FDXR: variants seen among roughly 807,000 people sequenced by gnomAD.
The protein encoded by FDXR is NADPH:adrenodoxin oxidoreductase, mitochondrial.
In FDXR, 38 loss-of-function variants were observed where a neutral mutation model predicts 58.3. The ratio of observed to expected loss-of-function variants is 0.65; its 90% CI spans 0.50 to 0.85. The LOEUF is 0.85. Among genes scored for constraint, FDXR ranks in the 40% least tolerant of loss-of-function variants. The pLI, the probability that FDXR is intolerant of heterozygous loss-of-function variation, is 0.00. For missense variants in FDXR, 624 were observed against 671.0 expected, an observed-to-expected ratio of 0.93 and a Z score of 0.77; for synonymous variants, 275 against 273.8, an observed-to-expected ratio of 1.00 and a Z score of -0.04.
intron 3 of FDXR, 58 bp from the exon 4 acceptor site, chr17:74,866,626 G>A: frequency 1.9e-6 from 3 of 1,610,256 alleles, no homozygotes; most frequent in Non-Finnish European, 8.5e-7. Context: ...CAGGGACCAA[G>A]TCTGCACCAC....
rs375884169 is a variant in FDXR at position 74,863,959 on chromosome 17, C to T, written c.1111G>A (p.Val371Met). ...GYKSRPVDPS[V>M]PFDSKLGVIP... ...ACCCCAAGCTTGGAGTCAAAGGGCA[C>T]GCTTGGGTCGACAGGGCGGCTCTTA... The change falls in exon 10 of 12, where the codon GTG becomes ATG. Residue 371 changes from valine to methionine, a missense_variant. Transcript: ENST00000293195. 11 of 1,614,016 alleles carry T rather than the reference C, an allele frequency of 6.8e-6. No homozygotes were observed. The highest frequency in any genetic ancestry group is 1.6e-4 in the Middle Eastern group (1 of 6,084).
At chr17:74,865,098 G>A (rs2144654565) in intron 6 of FDXR, 167 bp from the exon 7 acceptor site, 1 of 825,506 alleles carries the variant, frequency 1.2e-6, no homozygotes. Context: ...TCTGCAAATG[G>A]CTCCAACTAA....
intron 10 of FDXR, 40 bp from the exon 11 acceptor site, chr17:74,863,286 T>C (rs1172705595): frequency 1.3e-6 from 2 of 1,578,672 alleles, no homozygotes; most frequent in Non-Finnish European, 1.7e-6. Flanking sequence ...GGGAGGTGGC[T>C]GGATACCACC....
chr17:74,868,402 G>A (rs2038265934), intron 2 of FDXR: 3 of 704,548 alleles, frequency 4.3e-6, no homozygotes, highest in South Asian at 3.0e-5. Flanking sequence ...AACCTACTCT[G>A]AGTGTTCAAT....
At chr17:74,865,508 G>A (rs966634759) in intron 6 of FDXR, among the ~76,000 whole-genome samples, 2 of 152,174 alleles carry the variant, frequency 1.3e-5, no homozygotes, top group South Asian at 2.1e-4. Context: ...AGAGAAAAAC[G>A]CCACTTAGCT....
chr17:74,870,977 A>G (rs958678662), intron 2 of FDXR, among the ~76,000 whole-genome samples: 1 of 151,372 alleles, frequency 6.6e-6, no homozygotes. Flanking sequence ...TGATTTTTCT[A>G]TTTTTAGTAG....
intron 2 of FDXR, chr17:74,868,324 C>A (rs1318118030): frequency 6.5e-6 from 4 of 611,036 alleles, no homozygotes; most frequent in Non-Finnish European, 1.2e-5. Context: ...AGTTTCTTCT[C>A]TGTCCAAAAG....
intron 5 of FDXR, 126 bp downstream of exon 5, chr17:74,866,005 C>T: frequency 1.1e-6 from 1 of 894,906 alleles, no homozygotes; most frequent in Admixed American, 2.1e-5. Flanking sequence ...CACAGCTGGC[C>T]TCCCGCCTCA....
intron 5 of FDXR, 138 bp downstream of exon 5, chr17:74,865,993 T>C: frequency 1.2e-6 from 1 of 857,220 alleles, no homozygotes; most frequent in Non-Finnish European, 1.9e-6. Flanking sequence ...CCCGAGGCCC[T>C]CCACAGCTGG....
intron 2 of FDXR, among the ~76,000 whole-genome samples, chr17:74,871,797 C>T (rs1172045472): frequency 6.6e-6 from 1 of 152,158 alleles, no homozygotes; most frequent in Non-Finnish European, 1.5e-5. Flanking sequence ...GCAAAGCTGA[C>T]CACCTGCCAC....
intron 2 of FDXR, among the ~76,000 whole-genome samples, chr17:74,869,166 C>A (rs1471465128): frequency 2.6e-5 from 4 of 152,134 alleles, no homozygotes; most frequent in African/African-American, 9.7e-5. Context: ...GAGGGGGCAT[C>A]CTGAAGGAAA....
At chr17:74,864,588 G>A (rs781601242) in intron 7 of FDXR, 24 bp from the exon 8 acceptor site, 2 of 1,604,632 alleles carry the variant, frequency 1.2e-6, no homozygotes, top group Non-Finnish European at 1.7e-6. Context: ...GCAGGGAATG[G>A]GGGAGGAGGT....
chr17:74,867,005 T>C (rs1222052207), intron 2 of FDXR, 129 bp from the exon 3 acceptor site: 3 of 1,488,434 alleles, frequency 2.0e-6, no homozygotes, highest in Non-Finnish European at 2.7e-6. Context: ...GCTTCCACCC[T>C]CTGCAAGGAA....
At chr17:74,865,000 T>TGTCCCCACCGTGGG in intron 6 of FDXR, 69 bp from the exon 7 acceptor site, 1 of 1,606,086 alleles carries the variant, frequency 6.2e-7, no homozygotes, top group Non-Finnish European at 8.5e-7. Context: ...CATTTGGTCA[T>TGTCCCCACCGTGGG]GTCCCCACCG....
chr17:74,872,966 A>G lies in FDXR; in HGVS notation c.-22T>C, dbSNP rs1162910942. The stretch of plus-strand genomic sequence containing the variant: ...CCATGGCTGGGAGCAGCAACCTGCA[A>G]GTGGATCTGTTCCTAGCTACTGCTC... On this transcript the variant is annotated 5_prime_UTR_variant, in exon 1 of 12. Coordinates refer to ENST00000293195, the MANE Select transcript of FDXR (RefSeq NM_024417.5). The G allele has an allele frequency of 2.6e-6, 4 of 1,547,812 alleles. No homozygotes were observed. The African/African-American group carries it at 4.1e-5, about 16-fold the overall frequency.
intron 7 of FDXR, 107 bp downstream of exon 7, chr17:74,864,717 T>G: frequency 6.6e-7 from 1 of 1,525,662 alleles, no homozygotes; most frequent in South Asian, 1.2e-5. Flanking sequence ...CTCCCCTTCT[T>G]CCATCCCAGG....
At chr17:74,866,332 T>C (rs547705555) in intron 4 of FDXR, 88 bp from the exon 5 acceptor site, 6 of 1,570,274 alleles carry the variant, frequency 3.8e-6, no homozygotes, top group Non-Finnish European at 5.2e-6. Flanking sequence ...AGCGGCCTCC[T>C]TCCAGCTTCT....
rs201386849 is a variant in FDXR at position 74,866,119 on chromosome 17, C to A, written c.507+12G>T. 7.5e-6 allele frequency: 12 copies of A among 1,592,938 alleles called. No individual in the cohort carries two copies. In the East Asian group the frequency reaches 2.7e-4, roughly 36 times the overall value. ...GGGAGGAAGAGGCAGCGGGCGTGCT[C>A]CCCATACTCACCTCCTGGTTCTCAG... is the stretch of plus-strand genomic sequence containing the variant. On this transcript the variant is annotated intron_variant, in intron 5 of 11. Coordinates refer to ENST00000293195, the MANE Select transcript of FDXR (RefSeq NM_024417.5).
intron 2 of FDXR, chr17:74,868,898 C>T: frequency 3.0e-6 from 2 of 671,708 alleles, no homozygotes; most frequent in Non-Finnish European, 2.4e-6. Context: ...AACCTGAGAC[C>T]CTTGGATGTC....
Sources: allele counts gnomAD v4.1 joint callset (sites outside exome capture counted in the v4.1 genomes callset), GRCh38; gene constraint gnomAD v4.1.1; transcripts MANE v1.5; gene names NCBI Gene and HGNC (gene_info 2026-07-23, HGNC 2026-07-21).